UBE2J2: variants seen among roughly 807,000 people sequenced by gnomAD.
UBE2J2 encodes ubiquitin conjugating enzyme E2 J2.
A neutral mutation model predicts 28.6 loss-of-function variants in UBE2J2; 5 were observed. The observed-to-expected ratio is 0.17, with a 90% CI of 0.09 to 0.37. The LOEUF is 0.37. Ranked by LOEUF, UBE2J2 falls within the 10% of genes least tolerant of loss-of-function variation. UBE2J2 has a pLI of 1.00. For synonymous variants in UBE2J2, 138 were observed against 139.7 expected (o/e 0.99, Z 0.09); for missense variants, 226 against 338.9 (o/e 0.67, Z 2.62).
chr1:1,253,991 C>T lies in UBE2J2; in HGVS notation c.*1212G>A, dbSNP rs1335956786. 6.6e-6 allele frequency: 1 copy of T among 152,212 alleles called. No homozygotes were observed. The highest frequency in any genetic ancestry group is 2.4e-5 in the African/African-American group (1 of 41,452). 9.4% of individuals were successfully genotyped at this position (152,212 alleles called of 1,614,324 possible). A position where few individuals can be genotyped will look rare whatever the true frequency, so the allele number is the denominator to read the frequency against. Reference sequence around the variant, plus strand: ...TACATACAATTGGTAAATTATAGAGCAATTCTGAATAAACTGATCAAAAAA... The same window carrying T: ...TACATACAATTGGTAAATTATAGAGTAATTCTGAATAAACTGATCAAAAAA... On this transcript the variant is annotated 3_prime_UTR_variant, in exon 7 of 7. Transcript: ENST00000349431.
chr1:1,267,810 C>A (rs1639954391), intron 2 of UBE2J2, 52 bp downstream of exon 2: 1 of 1,599,076 alleles, frequency 6.3e-7, no homozygotes, highest in African/African-American at 1.3e-5. Flanking sequence ...CCGGCAGAGG[C>A]CTGCGTGGCA....
intron 5 of UBE2J2, among the ~76,000 whole-genome samples, chr1:1,256,681 G>C (rs1272793819): frequency 6.6e-6 from 1 of 151,950 alleles, no homozygotes; most frequent in Non-Finnish European, 1.5e-5. Context: ...AGGAAATCAA[G>C]ACATCCTGGT....
chr1:1,268,689 A>G lies in UBE2J2; in HGVS notation c.1-697T>C, dbSNP rs933653484. On this transcript the variant is annotated intron_variant, in intron 1 of 6. Transcript: ENST00000349431. The surrounding 1 kb of genome is among the most constrained non-coding windows in gnomAD (Gnocchi z 4.7). Reference sequence around the variant, plus strand: ...CTGGCCAGGGAGGCAGGGCCAGGGCATAAGAGTTTATTTACTTATTTTTCG... The same window carrying G: ...CTGGCCAGGGAGGCAGGGCCAGGGCGTAAGAGTTTATTTACTTATTTTTCG... 2.0e-5 allele frequency among the ~76,000 whole-genome samples: 3 copies of G among 152,162 alleles called. No homozygotes were observed. The highest frequency in any genetic ancestry group is 4.8e-5 in the African/African-American group (2 of 41,438).
At chr1:1,257,405 C>CCG (rs1639263052) in intron 3 of UBE2J2, 95 bp from the exon 4 acceptor site, 3 of 602,350 alleles carry the variant, frequency 5.0e-6, no homozygotes, top group Non-Finnish European at 5.1e-6. Flanking sequence ...CCCCCCCCCC[C>CCG]CCCTCAGCTC....
intron 1 of UBE2J2, among the ~76,000 whole-genome samples, chr1:1,272,079 G>A (rs956337099): frequency 6.6e-6 from 1 of 151,426 alleles, no homozygotes; most frequent in Admixed American, 6.6e-5. Flanking sequence ...ACTTGAACTC[G>A]GGAGCCGGAG....
rs1006618486 is a variant in UBE2J2, at chr1:1,268,083, C to T, written c.1-91G>A. 9.9e-5 allele frequency: 154 copies of T among 1,548,716 alleles called. No homozygotes were observed. The highest frequency in any genetic ancestry group is 1.3e-4 in the Non-Finnish European group (149 of 1,134,034). On this transcript the variant is annotated intron_variant, in intron 1 of 6. Coordinates refer to ENST00000349431, the MANE Select transcript of UBE2J2 (RefSeq NM_058167.3). The surrounding 1 kb of genome is among the most constrained non-coding windows in gnomAD (Gnocchi z 4.7). ...CAGCCCCACTCCCGCCTCTGCAGCC[C>T]GCCATTCATTCAGGGCCCGGTCACC...
chr1:1,264,605 C>G (rs542657203), intron 2 of UBE2J2, among the ~76,000 whole-genome samples: 22 of 152,176 alleles, frequency 1.4e-4, no homozygotes, highest in Non-Finnish European at 3.1e-4. Flanking sequence ...AACTCCGTCT[C>G]TACTAAAAAT....
chr1:1,256,904 A>G (rs1639215283), intron 5 of UBE2J2, 88 bp downstream of exon 5: 1 of 1,168,654 alleles, frequency 8.6e-7, no homozygotes, highest in African/African-American at 1.6e-5. Context: ...AAAAAAAAAA[A>G]AAAAAAAGGC....
chr1:1,257,777 G>A (rs1439693250), intron 3 of UBE2J2, among the ~76,000 whole-genome samples: 9 of 151,848 alleles, frequency 5.9e-5, no homozygotes, highest in African/African-American at 2.4e-5. Context: ...CTCCAGCACC[G>A]TTTGCTTCCC....
In UBE2J2 at chr1:1,259,328, C is replaced by T. The variant is rs139356411; in HGVS notation, c.173-2018G>A. Among the ~76,000 whole-genome samples, 26 of 151,012 alleles carry T rather than the reference C, an allele frequency of 1.7e-4. No homozygotes were observed. The East Asian group carries it at 3.9e-3, about 23-fold the overall frequency. On this transcript the variant is annotated intron_variant, in intron 3 of 6. Coordinates refer to ENST00000349431, the MANE Select transcript of UBE2J2 (RefSeq NM_058167.3). ...CGTGCGTGCCATCAGGACGCATGGG[C>T]GTGGGCATGTGTGTGCGTGCCATCA...
rs771675327 is a variant in UBE2J2, at chr1:1,255,282, G to A, written c.701C>T (p.Ala234Val). 2.5e-5 allele frequency: 40 copies of A among 1,613,318 alleles called. No individual in the cohort carries two copies. The highest frequency in any genetic ancestry group is 1.0e-5 in the Non-Finnish European group (12 of 1,179,844). Residue 234 changes from alanine to valine, a missense_variant, in exon 7 of 7, where the codon GCG becomes GTG. Ala to Val is a moderately conservative substitution (Grantham distance 64). This residue lies in a region of UBE2J2 where 133 missense variants were observed against 161.5 expected (regional missense o/e 0.82). Coordinates refer to ENST00000349431, the MANE Select transcript of UBE2J2 (RefSeq NM_058167.3). ...RHHGLLGGAL[A>V]NLFVIVGFAA... is the part of the protein sequence containing the mutation. The stretch of plus-strand genomic sequence containing the variant: ...AAACCCAACTATCACAAACAAGTTC[G>A]CCAGGGCGCCACCCAGGAGTCCGTG...
At chr1:1,255,672 C>A (rs527503881) in intron 6 of UBE2J2, among the ~76,000 whole-genome samples, 185 bp from the exon 7 acceptor site, 2 of 152,324 alleles carry the variant, frequency 1.3e-5, no homozygotes, top group African/African-American at 2.4e-5. Flanking sequence ...TGCCCCTTGG[C>A]CCCTGCACTC....
intron 3 of UBE2J2, 116 bp downstream of exon 3, chr1:1,263,230 A>C: frequency 1.0e-6 from 1 of 960,988 alleles, no homozygotes; most frequent in Non-Finnish European, 1.7e-6. Context: ...CAATTTAACT[A>C]GCACACATCC....
intron 6 of UBE2J2, 109 bp from the exon 7 acceptor site, chr1:1,255,596 G>A: frequency 7.4e-7 from 1 of 1,353,900 alleles, no homozygotes; most frequent in South Asian, 1.4e-5. Flanking sequence ...CAAGCCCTAG[G>A]CTGTGTCAAA....
At position 1,255,530 on chromosome 1, in the gene UBE2J2, C is replaced by T. The variant is rs74046653; in HGVS notation, c.496-43G>A. 44 of 1,575,058 alleles carry T rather than the reference C, an allele frequency of 2.8e-5. No individual in the cohort carries two copies. The African/African-American group carries it at 4.7e-4, about 17-fold the overall frequency. ...AGAAAAGCAGCTGGTCTCCAACCAG[C>T]GCCTTTCAGGACCAGCACTCCCGTT... On this transcript the variant is annotated intron_variant, in intron 6 of 6. Coordinates refer to ENST00000349431, the MANE Select transcript of UBE2J2 (RefSeq NM_058167.3).
At chr1:1,258,616 C>G (rs1382199599) in intron 3 of UBE2J2, among the ~76,000 whole-genome samples, 1 of 152,230 alleles carries the variant, frequency 6.6e-6, no homozygotes, top group Non-Finnish European at 1.5e-5. Context: ...TGTGCACACT[C>G]CAGGCCACTA....
In UBE2J2 at chr1:1,268,558, T is replaced by C. The variant is rs4018608; in HGVS notation, c.1-566A>G. Among the ~76,000 whole-genome samples, 23,230 of 152,128 alleles carry C rather than the reference T, an allele frequency of 0.15. 3,600 individuals are homozygous for C. The highest frequency in any genetic ancestry group is 0.62 in the East Asian group (3,168 of 5,144). On this transcript the variant is annotated intron_variant, in intron 1 of 6. Coordinates refer to ENST00000349431, the MANE Select transcript of UBE2J2 (RefSeq NM_058167.3). The surrounding 1 kb of genome is among the most constrained non-coding windows in gnomAD (Gnocchi z 4.7). Reference sequence around the variant, plus strand: ...ACTCTGGAGACTCCAAGGCACTCACTGGGCAGAGCAGCTGTCTTCCTGGTA... The same window carrying C: ...ACTCTGGAGACTCCAAGGCACTCACCGGGCAGAGCAGCTGTCTTCCTGGTA...
chr1:1,273,120 T>C (rs551201375), intron 1 of UBE2J2: 12 of 152,342 alleles, frequency 7.9e-5, no homozygotes, highest in African/African-American at 2.9e-4. Context: ...TGCAGGGAAC[T>C]GGCAGGTGTG....
At chr1:1,273,217 C>G (rs1194008434) in intron 1 of UBE2J2, 3 of 152,104 alleles carry the variant, frequency 2.0e-5, no homozygotes, top group Non-Finnish European at 4.4e-5. Context: ...TGTCACCGCC[C>G]GGGTTTCCCA....
Sources: allele counts gnomAD v4.1 joint callset (sites outside exome capture counted in the v4.1 genomes callset), GRCh38; gene constraint gnomAD v4.1.1; regional missense constraint gnomAD v4.1.1; non-coding constraint Gnocchi (gnomAD v3.1); transcripts MANE v1.5; gene names NCBI Gene and HGNC (gene_info 2026-07-23, HGNC 2026-07-21).